The following RYR2 variants were observed in gnomAD, a reference collection of about 807,000 sequenced individuals.
The protein encoded by RYR2 is cardiac muscle ryanodine receptor-calcium release channel.
RYR2 carries 227 observed loss-of-function variants against 601.1 expected under a neutral mutation model. That is an observed-to-expected ratio of 0.38 (90% confidence interval 0.34 to 0.42). RYR2 has a LOEUF of 0.42. Among genes scored for constraint, RYR2 ranks in the 10% least tolerant of loss-of-function variants. The probability of loss-of-function intolerance (pLI) is 1.00; values close to 1 mark genes in which losing one functional copy is unlikely to be tolerated. For missense variants in RYR2, 4,646 were observed against 6,156.5 expected, an observed-to-expected ratio of 0.75 and a Z score of 8.21; for synonymous variants, 2,223 against 2,175.1, an observed-to-expected ratio of 1.02 and a Z score of -0.61.
intron 2 of RYR2, among the ~76,000 whole-genome samples, chr1:237,319,588 A>G (rs967643649): frequency 1.3e-5 from 2 of 152,100 alleles, no homozygotes; most frequent in Non-Finnish European, 2.9e-5. Context: ...TTATTTTAAG[A>G]CTAGCTTTCT....
intron 88 of RYR2, 22 bp downstream of exon 88, chr1:237,778,792 C>T: frequency 8.0e-7 from 1 of 1,245,218 alleles, no homozygotes; most frequent in Non-Finnish European, 1.2e-6. Flanking sequence ...AACTGCCTTC[C>T]TCTCTCTTAA....
At chr1:237,108,876 G>C (rs1367559237) in intron 1 of RYR2, among the ~76,000 whole-genome samples, 3 of 152,290 alleles carry the variant, frequency 2.0e-5, no homozygotes, top group Non-Finnish European at 4.4e-5. Context: ...TGTGTTTTGG[G>C]GTACTGGCTC....
intron 27 of RYR2, among the ~76,000 whole-genome samples, chr1:237,557,032 T>G (rs1422177867): frequency 1.3e-5 from 2 of 152,100 alleles, no homozygotes; most frequent in Non-Finnish European, 2.9e-5. Context: ...GGCCAGGGCT[T>G]AAGTCATCTG....
rs1019943500 is a variant in RYR2, at chr1:237,131,118, C to G, written c.48+88549C>G. Among the ~76,000 whole-genome samples the G allele has an allele frequency of 2.0e-5, 3 of 152,102 alleles. No homozygotes were observed. In the South Asian group the frequency reaches 6.2e-4, roughly 32 times the overall value. On this transcript the variant is annotated intron_variant, in intron 1 of 104. Transcript: ENST00000366574. ...GGGTCTGCTGAAAGGGAAGGTGAAG[C>G]AGGAATACTGAGAAAAGATACCCCA...
chr1:237,786,033 C>T lies in RYR2; in HGVS notation c.13325C>T (p.Ala4442Val), dbSNP rs1553324230. 1 of 1,573,704 alleles carries T rather than the reference C, an allele frequency of 6.4e-7. No homozygotes were observed. Among genetic ancestry groups the T allele is most frequent in the Non-Finnish European group, 8.7e-7 (1 of 1,154,450 alleles). Residue 4442 changes from alanine (A) to valine (V), a missense_variant, in exon 91 of 105, where the codon GCC (alanine) becomes GTC (valine). Ala to Val is a moderately conservative substitution (Grantham distance 64). Around this residue, in one of 17 missense-constraint regions of RYR2, gnomAD observed 364 missense variants for 442.9 expected, o/e 0.82. Coordinates refer to ENST00000366574, the MANE Select transcript of RYR2 (RefSeq NM_001035.3). ...KEETKSEPEK[A>V]EGEDGEKEEK... Reference sequence around the variant, plus strand: ...GAAACCAAATCTGAACCTGAAAAAGCCGAGTATGTATAGTTTGCATATACT... The same window carrying T: ...GAAACCAAATCTGAACCTGAAAAAGTCGAGTATGTATAGTTTGCATATACT...
chr1:237,565,119 C>T (rs74819458), intron 27 of RYR2, among the ~76,000 whole-genome samples: 2,091 of 16,952 alleles, frequency 0.12, 512 homozygotes, highest in South Asian at 0.32. Context: ...CTTTCTTTTT[C>T]TTTCTTTCTT....
At chr1:237,493,114 G>A (rs1488260663) in intron 19 of RYR2, 27 bp downstream of exon 19, 2 of 1,612,578 alleles carry the variant, frequency 1.2e-6, no homozygotes. Flanking sequence ...AATGTCACCT[G>A]ACAGGTACCA....
intron 17 of RYR2, among the ~76,000 whole-genome samples, chr1:237,470,208 C>T (rs898507846): frequency 6.6e-6 from 1 of 152,106 alleles, no homozygotes; most frequent in Non-Finnish European, 1.5e-5. Flanking sequence ...TCTACCATAC[C>T]ATCTGGCACC....
intron 2 of RYR2, among the ~76,000 whole-genome samples, chr1:237,316,034 G>C (rs1028965340): frequency 1.3e-5 from 2 of 152,080 alleles, no homozygotes; most frequent in Non-Finnish European, 2.9e-5. Context: ...TGGGGGCAGG[G>C]GGATCAGGTT....
chr1:237,370,663 T>C (rs1458523817), intron 6 of RYR2, among the ~76,000 whole-genome samples: 1 of 135,894 alleles, frequency 7.4e-6, no homozygotes, highest in Non-Finnish European at 1.5e-5. Context: ...TTCATTCCAT[T>C]TTTTTTTTTT....
intron 15 of RYR2, 84 bp downstream of exon 15, chr1:237,454,658 T>C: frequency 7.2e-7 from 1 of 1,393,578 alleles, no homozygotes; most frequent in Non-Finnish European, 9.9e-7. Flanking sequence ...CCATCTATTT[T>C]GACCATCTTT....
At chr1:237,373,957 A>G (rs775019961) in intron 6 of RYR2, among the ~76,000 whole-genome samples, 29 of 152,370 alleles carry the variant, frequency 1.9e-4, no homozygotes, top group Non-Finnish European at 3.8e-4. Context: ...ATGATCATGA[A>G]TATCACATGA....
intron 24 of RYR2, among the ~76,000 whole-genome samples, chr1:237,513,851 T>C (rs1666157340): frequency 6.6e-6 from 1 of 152,220 alleles, no homozygotes; most frequent in Non-Finnish European, 1.5e-5. Context: ...TCTCAGAGTA[T>C]ATCCCCATTG....
At chr1:237,680,661 G>A (rs1385289871) in intron 62 of RYR2, 84 bp downstream of exon 62, 3 of 1,015,360 alleles carry the variant, frequency 3.0e-6, no homozygotes, top group Admixed American at 2.6e-5. Context: ...TTGAAGTGGG[G>A]CTGTACGGAG....
chr1:237,796,406 C>T (rs1398232656), intron 96 of RYR2, among the ~76,000 whole-genome samples: 2 of 152,174 alleles, frequency 1.3e-5, no homozygotes, highest in Non-Finnish European at 1.5e-5. Flanking sequence ...TGTGAGGACA[C>T]AGTCCCGAGA....
intron 24 of RYR2, among the ~76,000 whole-genome samples, chr1:237,514,150 TTTC>T (rs1666188007): frequency 6.6e-6 from 1 of 152,250 alleles, no homozygotes; most frequent in African/African-American, 2.4e-5. Flanking sequence ...CAGCTCATTA[TTTC>T]TTCATCTTTT....
chr1:237,711,617 C>A (rs1688848664), intron 70 of RYR2, 128 bp from the exon 71 acceptor site: 3 of 630,354 alleles, frequency 4.8e-6, no homozygotes, highest in African/African-American at 1.9e-5. Context: ...TACTTGTATC[C>A]TTTTTTGATA....
At chr1:237,191,996 G>T (rs1334781180) in intron 1 of RYR2, among the ~76,000 whole-genome samples, 2 of 151,982 alleles carry the variant, frequency 1.3e-5, no homozygotes, top group Non-Finnish European at 2.9e-5. Flanking sequence ...TCCTTCCATG[G>T]TCTTATCACC....
intron 74 of RYR2, among the ~76,000 whole-genome samples, chr1:237,724,660 C>T (rs7555850): frequency 0.051 from 7,672 of 151,780 alleles, 612 homozygotes; most frequent in African/African-American, 0.18. Flanking sequence ...GATGACAAGA[C>T]TTGTCATGAA....
Sources: gnomAD v4.1 joint callset for allele counts (sites outside exome capture counted in the v4.1 genomes callset) on GRCh38, gnomAD v4.1.1 for gene constraint, gnomAD v4.1.1 regional missense constraint, MANE v1.5 for transcripts, NCBI Gene and HGNC (gene_info 2026-07-23, HGNC 2026-07-21) for gene names.